Variants in FTO observed in about 807,000 individuals in gnomAD.
FTO encodes FTO alpha-ketoglutarate dependent dioxygenase, also known as alpha-ketoglutarate-dependent dioxygenase FTO.
FTO carries 47 observed loss-of-function variants against 63.9 expected under a neutral mutation model. That is an observed-to-expected ratio of 0.74 (90% confidence interval 0.58 to 0.94). The LOEUF (loss-of-function observed/expected upper bound fraction) is 0.94. Among genes scored for constraint, FTO ranks in the 40% least tolerant of loss-of-function variants. The probability of loss-of-function intolerance (pLI) is 0.00; values close to 1 mark genes in which losing one functional copy is unlikely to be tolerated. For synonymous variants in FTO, 207 were observed against 224.4 expected (o/e 0.92, Z 0.69); for missense variants, 562 against 618.1 (o/e 0.91, Z 0.96).
At chr16:53,749,008 C>T (rs1168841725) in intron 1 of FTO, among the ~76,000 whole-genome samples, 1 of 152,090 alleles carries the variant, frequency 6.6e-6, no homozygotes, top group Non-Finnish European at 1.5e-5. Flanking sequence ...TCAGGTGATC[C>T]ACCCGCCTCG....
chr16:53,819,681 A>G (rs1442360996), intron 2 of FTO, among the ~76,000 whole-genome samples: 3 of 152,148 alleles, frequency 2.0e-5, no homozygotes, highest in Non-Finnish European at 4.4e-5. Flanking sequence ...ACATCTATCA[A>G]TCTTCTTTTT....
chr16:54,106,397 C>T (rs1412253552), intron 8 of FTO, among the ~76,000 whole-genome samples: 2 of 150,078 alleles, frequency 1.3e-5, no homozygotes, highest in South Asian at 4.2e-4. Context: ...TTATAGAGTG[C>T]TTTGAGTCAA....
chr16:53,801,251 A>G (rs549999432), intron 1 of FTO, among the ~76,000 whole-genome samples: 84 of 128,390 alleles, frequency 6.5e-4, no homozygotes, highest in African/African-American at 2.2e-3. Flanking sequence ...TTTTTTTTTT[A>G]TGTTGGTTTT....
At chr16:53,986,309 G>A (rs2083666593) in intron 8 of FTO, among the ~76,000 whole-genome samples, 1 of 152,172 alleles carries the variant, frequency 6.6e-6, no homozygotes, top group African/African-American at 2.4e-5. Context: ...GGGTTAAACA[G>A]GTTCGAGTTT....
chr16:53,814,950 A>AT, intron 2 of FTO: 1 of 152,206 alleles, frequency 6.6e-6, no homozygotes, highest in East Asian at 1.9e-4. Flanking sequence ...GGAGCAAGCC[A>AT]TGTAGATACT....
chr16:53,879,079 C>G (rs2080750589), intron 5 of FTO, among the ~76,000 whole-genome samples: 1 of 152,128 alleles, frequency 6.6e-6, no homozygotes, highest in Non-Finnish European at 1.5e-5. Flanking sequence ...CCTTTCTTTC[C>G]TATCTTTAGT....
intron 8 of FTO, among the ~76,000 whole-genome samples, chr16:53,972,658 T>C (rs1183102799): frequency 6.6e-6 from 1 of 152,202 alleles, no homozygotes; most frequent in African/African-American, 2.4e-5. Context: ...CAGACTCAAA[T>C]GTTGGTGGAT....
chr16:53,847,904 A>T (rs1243612150), intron 4 of FTO, among the ~76,000 whole-genome samples: 1 of 152,138 alleles, frequency 6.6e-6, no homozygotes, highest in African/African-American at 2.4e-5. Flanking sequence ...TAAACAGAAG[A>T]AGTTAGCATT....
At chr16:53,892,461 C>T (rs1032760978) in intron 7 of FTO, among the ~76,000 whole-genome samples, 2 of 152,078 alleles carry the variant, frequency 1.3e-5, no homozygotes. Context: ...GTGTTTGGTG[C>T]ACATTTGGAT....
At chr16:53,942,792 G>A (rs958963525) in intron 8 of FTO, among the ~76,000 whole-genome samples, 1 of 152,184 alleles carries the variant, frequency 6.6e-6, no homozygotes, top group Non-Finnish European at 1.5e-5. Context: ...GAGACAACCT[G>A]TGATTGTGTC....
At chr16:53,891,447 T>C (rs2081148196) in intron 7 of FTO, among the ~76,000 whole-genome samples, 9 of 151,970 alleles carry the variant, frequency 5.9e-5, no homozygotes, top group Admixed American at 5.9e-4. Flanking sequence ...GATTGCTTGA[T>C]CCCAGGAGTT....
At chr16:53,791,640 G>A (rs2077914711) in intron 1 of FTO, among the ~76,000 whole-genome samples, 1 of 152,120 alleles carries the variant, frequency 6.6e-6, no homozygotes. Flanking sequence ...AGACAATCCA[G>A]CAATGGTAAT....
chr16:54,011,324 TCTTTCACAATATATCAACCCA>T (rs1323776164), intron 8 of FTO, among the ~76,000 whole-genome samples: 1 of 152,206 alleles, frequency 6.6e-6, no homozygotes, highest in Non-Finnish European at 1.5e-5. Context: ...AAAGCATAGC[TCTTTCACAATATATCAACCCA>T]CTTTCAATGA....
chr16:53,857,218 C>A (rs1466346831), intron 4 of FTO, among the ~76,000 whole-genome samples: 1 of 152,086 alleles, frequency 6.6e-6, no homozygotes, highest in South Asian at 2.1e-4. Context: ...GATAATTTTT[C>A]GATCCTTACC....
chr16:53,761,163 C>T (rs2077059075), intron 1 of FTO, among the ~76,000 whole-genome samples: 1 of 151,870 alleles, frequency 6.6e-6, no homozygotes, highest in South Asian at 2.1e-4. Context: ...GTGGCACAAT[C>T]ATAGCTCACT....
chr16:53,738,633 T>C (rs930048618), intron 1 of FTO, among the ~76,000 whole-genome samples: 1 of 152,292 alleles, frequency 6.6e-6, no homozygotes, highest in East Asian at 1.9e-4. Context: ...CTGGGTCATA[T>C]GGTAAGTCTA....
chr16:53,712,385 A>G (rs894592579), intron 1 of FTO, among the ~76,000 whole-genome samples: 3 of 152,060 alleles, frequency 2.0e-5, no homozygotes, highest in African/African-American at 4.8e-5. Context: ...CCCGAAATCC[A>G]TTATTATTTT....
chr16:54,068,558 A>G (rs1363782744), intron 8 of FTO, among the ~76,000 whole-genome samples: 1 of 152,104 alleles, frequency 6.6e-6, no homozygotes, highest in Non-Finnish European at 1.5e-5. Context: ...CTGCCCCCAC[A>G]TTTTGCAAAG....
intron 8 of FTO, among the ~76,000 whole-genome samples, chr16:54,091,885 G>A (rs534006413): frequency 6.6e-6 from 1 of 152,278 alleles, no homozygotes; most frequent in African/African-American, 2.4e-5. Context: ...AACCTGATGG[G>A]GTTACTGGGA....
Sources: allele counts gnomAD v4.1 joint callset (sites outside exome capture counted in the v4.1 genomes callset), GRCh38; gene constraint gnomAD v4.1.1; transcripts MANE v1.5; gene names NCBI Gene and HGNC (gene_info 2026-07-23, HGNC 2026-07-21).